The following C2CD3 variants were observed in gnomAD, a reference collection of about 807,000 sequenced individuals.
The protein encoded by C2CD3 is C2 domain-containing protein 3.
In C2CD3, 148 loss-of-function variants were observed where a neutral mutation model predicts 234.0. That is an observed-to-expected ratio of 0.63 (90% CI 0.55 to 0.72). The LOEUF (loss-of-function observed/expected upper bound fraction) is 0.72. Ranked by LOEUF, C2CD3 falls within the 30% of genes least tolerant of loss-of-function variation. The pLI is 0.00. For synonymous variants in C2CD3, 1,000 were observed against 1,035.4 expected (o/e 0.97, Z 0.66); for missense variants, 2,577 against 2,811.5 (o/e 0.92, Z 1.89).
intron 16 of C2CD3, among the ~76,000 whole-genome samples, chr11:74,097,415 C>T (rs1264679746): frequency 6.6e-6 from 1 of 152,110 alleles, no homozygotes; most frequent in Non-Finnish European, 1.5e-5. Context: ...AGTTAGAAGA[C>T]CTGTGTCTGA....
At chr11:74,153,365 T>C (rs993826211) in intron 3 of C2CD3, among the ~76,000 whole-genome samples, 4 of 152,068 alleles carry the variant, frequency 2.6e-5, no homozygotes, top group Admixed American at 6.6e-5. Context: ...GGCAAGAAAA[T>C]AGAAATAAAA....
At position 74,059,622 on chromosome 11, in the gene C2CD3, T is replaced by A. The variant is rs551628867; in HGVS notation, c.4952-2078A>T. 6.4e-4 allele frequency among the ~76,000 whole-genome samples: 97 copies of A among 152,296 alleles called. 1 individual carries two copies. Among genetic ancestry groups the A allele is most frequent in the African/African-American group, 2.3e-3 (94 of 41,556 alleles). On this transcript the variant is annotated intron_variant, in intron 24 of 32. Transcript: ENST00000334126. ...ACTCAGGAACCACAGATTTTATTCCTGTCCACATGCAGTTTAACATTTAAC... is the reference window on the plus strand; with the variant it reads ...ACTCAGGAACCACAGATTTTATTCCAGTCCACATGCAGTTTAACATTTAAC...
intron 32 of C2CD3, among the ~76,000 whole-genome samples, chr11:74,014,754 G>A (rs752006711): frequency 1.3e-5 from 2 of 152,240 alleles, no homozygotes; most frequent in Non-Finnish European, 2.9e-5. Context: ...GGGGAGTGGA[G>A]TCAGGCATCC....
chr11:74,023,102 T>C (rs1439281083), intron 32 of C2CD3, among the ~76,000 whole-genome samples: 1 of 152,216 alleles, frequency 6.6e-6, no homozygotes, highest in African/African-American at 2.4e-5. Context: ...GGGAAATCTG[T>C]TTCACAGATG....
rs826085 is a variant in C2CD3 at position 74,049,641 on chromosome 11, A to G, written c.5156-99T>C. The G allele has an allele frequency of 0.052, 46,117 of 890,336 alleles. 7,134 individuals carry two copies. Among genetic ancestry groups the G allele is most frequent in the African/African-American group, 0.47 (28,270 of 60,298 alleles). The allele number at this position is 890,336 out of a possible 1,614,324, so 55.2% of individuals were successfully genotyped here. ...AGAAGCTGATTCAGGGGATGGAGGA[A>G]TTTAGTGATCCCAAAGCCATCAGAG... On this transcript the variant is annotated intron_variant, in intron 26 of 32. Transcript: ENST00000334126.
intron 3 of C2CD3, among the ~76,000 whole-genome samples, chr11:74,151,070 C>A (rs181605657): frequency 6.6e-6 from 1 of 151,842 alleles, no homozygotes; most frequent in African/African-American, 2.4e-5. Context: ...GGATTATAGA[C>A]GCCCACCATC....
chr11:74,137,621 G>A (rs974279854), intron 5 of C2CD3, among the ~76,000 whole-genome samples: 10 of 149,472 alleles, frequency 6.7e-5, no homozygotes, highest in African/African-American at 1.7e-4. Flanking sequence ...GTCTTGCTCC[G>A]TTGCCCAGGC....
rs1951742111 is a variant in C2CD3, at chr11:74,012,757, A to G, written c.*628T>C. ...ATGATTTTATTCAAACACAGGCAAGAACAATGACCTTCAGAGCTGGGTAAA... is the reference window on the plus strand; with the variant it reads ...ATGATTTTATTCAAACACAGGCAAGGACAATGACCTTCAGAGCTGGGTAAA... On this transcript the variant is annotated 3_prime_UTR_variant, in exon 33 of 33. Coordinates refer to ENST00000334126, the MANE Select transcript of C2CD3 (RefSeq NM_001286577.2). The G allele has an allele frequency of 6.6e-6, 1 of 152,218 alleles. No individual in the cohort carries two copies. The highest frequency in any genetic ancestry group is 1.5e-5 in the Non-Finnish European group (1 of 68,046). The allele number at this position is 152,218 out of a possible 1,614,324, so 9.4% of individuals were successfully genotyped here. A position where few individuals can be genotyped will look rare whatever the true frequency, so the allele number is the denominator to read the frequency against.
intron 3 of C2CD3, among the ~76,000 whole-genome samples, chr11:74,151,725 T>C (rs191179418): frequency 2.2e-4 from 33 of 152,316 alleles, no homozygotes; most frequent in African/African-American, 7.2e-4. Flanking sequence ...TAGGAAAACA[T>C]GCCCTATAAC....
Position 74,168,843 on chromosome 11 carries a change from A to C in C2CD3, c.56-230T>G, listed in dbSNP as rs189127367. Among the ~76,000 whole-genome samples, 29 of 152,354 alleles carry C rather than the reference A, an allele frequency of 1.9e-4. 1 individual carries two copies. Among genetic ancestry groups the C allele is most frequent in the Admixed American group, 1.8e-3 (28 of 15,306 alleles). The stretch of plus-strand genomic sequence containing the variant: ...ATGTAAGCCACTCTGATAACTAATT[A>C]GTATTTAAGGTTTGATTTGATTTAC... On this transcript the variant is annotated intron_variant, in intron 1 of 32. Coordinates refer to ENST00000334126, the MANE Select transcript of C2CD3 (RefSeq NM_001286577.2).
chr11:74,019,114 C>T (rs552286066), intron 32 of C2CD3, among the ~76,000 whole-genome samples: 84 of 152,092 alleles, frequency 5.5e-4, no homozygotes, highest in Admixed American at 9.2e-4. Context: ...ATCTTCTGAA[C>T]CCAAGCTCTG....
intron 29 of C2CD3, among the ~76,000 whole-genome samples, chr11:74,040,758 GAAAAAC>G (rs918570051): frequency 3.6e-4 from 54 of 151,864 alleles, no homozygotes; most frequent in African/African-American, 1.2e-3. Flanking sequence ...CCCATCTCAA[GAAAAAC>G]AAAAACAAAA....
At chr11:74,043,411 A>G (rs572078109) in intron 28 of C2CD3, among the ~76,000 whole-genome samples, 1 of 152,162 alleles carries the variant, frequency 6.6e-6, no homozygotes, top group African/African-American at 2.4e-5. Context: ...AGTTGCTTCT[A>G]CTTTTTGGTT....
chr11:74,028,435 T>C, intron 31 of C2CD3, 37 bp from the exon 32 acceptor site: 1 of 1,362,728 alleles, frequency 7.3e-7, no homozygotes, highest in Non-Finnish European at 1.0e-6. Flanking sequence ...TACCTAGAAG[T>C]CCACCCCTCT....
chr11:74,114,567 G>A lies in C2CD3; in HGVS notation c.1547C>T (p.Ser516Leu), dbSNP rs1956864033. The change falls in exon 10 of 33, where the codon TCA becomes TTA. Residue 516 changes from serine to leucine, a missense_variant. Coordinates refer to ENST00000334126, the MANE Select transcript of C2CD3 (RefSeq NM_001286577.2). ...CGTTTGGGCATCTTCTGGAGTTTCT[G>A]AGAGCATCTGTTGTTCAACCAAATT... ...NRNLVEQQML[S>L]ETPEDAQTMT... is the part of the protein sequence containing the mutation. The A allele has an allele frequency of 6.2e-7, 1 of 1,613,822 alleles. No individual in the cohort carries two copies. Among genetic ancestry groups the A allele is most frequent in the Admixed American group, 1.7e-5 (1 of 59,980 alleles).
intron 24 of C2CD3, among the ~76,000 whole-genome samples, chr11:74,071,020 C>T (rs1954765405): frequency 6.6e-6 from 1 of 152,174 alleles, no homozygotes; most frequent in Non-Finnish European, 1.5e-5. Flanking sequence ...TTTTCCTATA[C>T]TACCACATCC....
chr11:74,025,207 T>C (rs555692953), intron 32 of C2CD3, among the ~76,000 whole-genome samples: 2 of 152,270 alleles, frequency 1.3e-5, no homozygotes, highest in Admixed American at 6.5e-5. Flanking sequence ...ATAAAATGTA[T>C]ACATGTTAAA....
Position 74,033,893 on chromosome 11 carries a change from A to G in C2CD3, c.6267T>C (p.Ser2089=). 6.5e-7 allele frequency: 1 copy of G among 1,536,164 alleles called. No homozygotes were observed. Residue 2089 remains serine (S), a synonymous_variant, in exon 31 of 33, where the codon AGT becomes AGC. Coordinates refer to ENST00000334126, the MANE Select transcript of C2CD3 (RefSeq NM_001286577.2). ...TGACCTCACTTGTGTCTGATATGAC[A>G]CTAGACCAAGGGCTAGTTTTGTCTG... ...TVTDKTSPWS[S]VISDTSEVIS... is the part of the protein sequence containing the mutation.
chr11:74,108,144 CTGTG>C (rs10596550), intron 12 of C2CD3: 1 of 134,642 alleles, frequency 7.4e-6, no homozygotes, highest in African/African-American at 2.8e-5. Context: ...AAGCGAGACT[CTGTG>C]TCAAAAAAAA....
Sources: gnomAD v4.1 joint callset for allele counts (sites outside exome capture counted in the v4.1 genomes callset) on GRCh38, gnomAD v4.1.1 for gene constraint, MANE v1.5 for transcripts, NCBI Gene and HGNC (gene_info 2026-07-23, HGNC 2026-07-21) for gene names.